The following SLC4A4 variants were observed in gnomAD, a reference collection of about 807,000 sequenced individuals.
SLC4A4 encodes the protein solute carrier family 4 member 4.
In SLC4A4, 27 loss-of-function variants were observed where a neutral mutation model predicts 111.5. The observed-to-expected ratio is 0.24, with a 90% CI of 0.18 to 0.33. The LOEUF (loss-of-function observed/expected upper bound fraction) is 0.33, where lower values mean the gene tolerates loss of function less well. Among genes scored for constraint, SLC4A4 ranks in the 10% least tolerant of loss-of-function variants. SLC4A4 has a pLI of 1.00. For missense variants in SLC4A4, 909 were observed against 1,315.5 expected (o/e 0.69, Z 4.78); for synonymous variants, 443 against 463.4 (o/e 0.96, Z 0.57).
At position 71,355,735 on chromosome 4, in the gene SLC4A4, T is replaced by C. The variant is rs552416473; in HGVS notation, c.551-1273T>C. ...GTTTAGAAGATGGACTTTTGAGAAATTCAGTCATGCCCAAGCAAAACCCGT... is the reference window on the plus strand; with the variant it reads ...GTTTAGAAGATGGACTTTTGAGAAACTCAGTCATGCCCAAGCAAAACCCGT... On this transcript the variant is annotated intron_variant, in intron 5 of 25. Transcript: ENST00000264485. Among the ~76,000 whole-genome samples, 22 of 152,320 alleles carry C rather than the reference T, an allele frequency of 1.4e-4. 1 individual carries two copies. The highest frequency in any genetic ancestry group is 3.1e-4 in the Non-Finnish European group (21 of 68,018).
chr4:71,151,937 C>T (rs561402389), intron 2 of SLC4A4, among the ~76,000 whole-genome samples: 7 of 151,760 alleles, frequency 4.6e-5, no homozygotes, highest in Non-Finnish European at 1.0e-4. Context: ...TGGTGGTGTA[C>T]ACCTGTAGTC....
chr4:71,157,963 T>C (rs1317732869), intron 2 of SLC4A4, among the ~76,000 whole-genome samples: 1 of 152,128 alleles, frequency 6.6e-6, no homozygotes, highest in Non-Finnish European at 1.5e-5. Flanking sequence ...TATCAAATGA[T>C]GAAAAATGAA....
chr4:71,136,344 G>T (rs981410209), intron 2 of SLC4A4, among the ~76,000 whole-genome samples: 1 of 152,194 alleles, frequency 6.6e-6, no homozygotes, highest in Non-Finnish European at 1.5e-5. Flanking sequence ...TCTTCTATAG[G>T]AATGTATGTT....
rs1186886616 is a variant in SLC4A4 at position 71,455,024 on chromosome 4, T to TG, written c.1497+1361dup. ...ATAGCTAACTTGGGCTTTCTCACAG[T>TG]GGGGGGACTGTGATGACGTCTAAGA... On this transcript the variant is annotated intron_variant, in intron 12 of 25. Coordinates refer to ENST00000264485, the MANE Select transcript of SLC4A4 (RefSeq NM_001098484.3). 4.6e-5 allele frequency among the ~76,000 whole-genome samples: 7 copies of TG among 152,238 alleles called. No individual in the cohort carries two copies. The South Asian group carries it at 1.5e-3, about 32-fold the overall frequency.
intron 12 of SLC4A4, among the ~76,000 whole-genome samples, chr4:71,462,415 C>CTT (rs869306669): frequency 2.1e-3 from 255 of 121,758 alleles, no homozygotes; most frequent in East Asian, 2.6e-3. Context: ...ACCTCCTCAT[C>CTT]TTTTTTTTTT....
At chr4:71,072,746 A>G (rs991144563) in intron 1 of SLC4A4, among the ~76,000 whole-genome samples, 1 of 151,930 alleles carries the variant, frequency 6.6e-6, no homozygotes, top group African/African-American at 2.4e-5. Context: ...TGTTGCAATT[A>G]TAAATGGGGG....
At chr4:71,481,500 C>A (rs1393617507) in intron 14 of SLC4A4, among the ~76,000 whole-genome samples, 2 of 151,568 alleles carry the variant, frequency 1.3e-5, no homozygotes, top group East Asian at 3.9e-4. Context: ...CTCCTTTTTT[C>A]TCTCACAGCT....
At chr4:71,215,903 A>G (rs1386414119) in intron 1 of SLC4A4, among the ~76,000 whole-genome samples, 1 of 127,858 alleles carries the variant, frequency 7.8e-6, no homozygotes, top group East Asian at 2.3e-4. Context: ...TGTCATTTCT[A>G]TTTTTTTTTT....
chr4:71,177,625 C>T (rs1308061824), intron 2 of SLC4A4, among the ~76,000 whole-genome samples: 1 of 152,166 alleles, frequency 6.6e-6, no homozygotes, highest in Admixed American at 6.5e-5. Context: ...ACAAGAAGAA[C>T]TAACTATCCT....
intron 18 of SLC4A4, 65 bp downstream of exon 18, chr4:71,534,453 T>G: frequency 6.6e-7 from 1 of 1,519,528 alleles, no homozygotes. Context: ...AAAACACTAA[T>G]TGATTAAAAA....
At chr4:71,439,461 A>G (rs1331858440) in intron 7 of SLC4A4, among the ~76,000 whole-genome samples, 4 of 146,658 alleles carry the variant, frequency 2.7e-5, no homozygotes, top group African/African-American at 7.6e-5. Context: ...AAAAAAAAAA[A>G]AAAAAAAAAA....
intron 3 of SLC4A4, among the ~76,000 whole-genome samples, chr4:71,283,747 C>T (rs745408732): frequency 5.9e-5 from 9 of 152,210 alleles, no homozygotes; most frequent in Non-Finnish European, 1.2e-4. Context: ...TTTTCCTCTA[C>T]AACATTTCCG....
chr4:71,249,082 T>G (rs1560812661), intron 2 of SLC4A4, among the ~76,000 whole-genome samples: 1 of 152,120 alleles, frequency 6.6e-6, no homozygotes, highest in East Asian at 1.9e-4. Context: ...CTAAGATTTC[T>G]TATCAGTCTT....
At position 71,067,671 on chromosome 4, in the gene SLC4A4, G is replaced by A. The variant is rs990686560; in HGVS notation, c.-65+4883G>A. On this transcript the variant is annotated intron_variant, in intron 1 of 26. Coordinates refer to the SLC4A4 transcript ENST00000649996. ...AATTTGGATAACCCAGGCCTAAATA[G>A]GTTGTGACTGAATAAAAGGAAATAC... 2.6e-5 allele frequency among the ~76,000 whole-genome samples: 4 copies of A among 152,152 alleles called. 1 individual carries two copies. Among genetic ancestry groups the A allele is most frequent in the Admixed American group, 2.6e-4 (4 of 15,284 alleles).
intron 18 of SLC4A4, among the ~76,000 whole-genome samples, chr4:71,539,404 C>T (rs1000768266): frequency 6.6e-5 from 10 of 152,030 alleles, no homozygotes; most frequent in Admixed American, 4.6e-4. Context: ...TTTTAAGACT[C>T]TTTGCCAGAG....
chr4:71,269,110 A>C (rs1486195869), intron 3 of SLC4A4, among the ~76,000 whole-genome samples: 1 of 152,236 alleles, frequency 6.6e-6, no homozygotes, highest in South Asian at 2.1e-4. Flanking sequence ...TATACTAACT[A>C]TATGGTGAAG....
chr4:71,442,931 A>G (rs1017376313), intron 8 of SLC4A4, among the ~76,000 whole-genome samples: 4 of 151,376 alleles, frequency 2.6e-5, no homozygotes, highest in Non-Finnish European at 5.9e-5. Context: ...GTGAATGTCT[A>G]TCTATGTAGG....
exon 1 of SLC4A4, among the ~76,000 whole-genome samples, chr4:71,062,786 A>T (rs1451816172): frequency 1.3e-5 from 2 of 152,198 alleles, no homozygotes; most frequent in African/African-American, 2.4e-5. Flanking sequence ...AAGGACATTG[A>T]CTGTAAGTAA....
In SLC4A4 at chr4:71,442,401, A is replaced by T. The variant is rs567704284; in HGVS notation, c.965+1628A>T. On this transcript the variant is annotated intron_variant, in intron 8 of 25. Coordinates refer to ENST00000264485, the MANE Select transcript of SLC4A4 (RefSeq NM_001098484.3). ...ATTATATAACTATTTCAGGGCAATA[A>T]TCTGAACGATATATCCTTGCATGTT... 4.6e-5 allele frequency among the ~76,000 whole-genome samples: 7 copies of T among 152,320 alleles called. No individual in the cohort carries two copies. The South Asian group carries it at 1.4e-3, about 32-fold the overall frequency.
Sources: gnomAD v4.1 joint callset for allele counts (sites outside exome capture counted in the v4.1 genomes callset) on GRCh38, gnomAD v4.1.1 for gene constraint, MANE v1.5 for transcripts, NCBI Gene and HGNC (gene_info 2026-07-23, HGNC 2026-07-21) for gene names.